The following URB1 variants were observed in gnomAD, a reference collection of about 807,000 sequenced individuals.
URB1 encodes nucleolar pre-ribosomal-associated protein 1.
URB1 carries 197 observed loss-of-function variants against 242.3 expected under a neutral mutation model. The observed-to-expected ratio is 0.81, with a 90% confidence interval of 0.72 to 0.91. The LOEUF is 0.91. URB1 is among the 40% of genes least tolerant of loss of function. URB1 has a pLI of 0.00. For missense variants in URB1, 2,721 were observed against 2,860.5 expected (o/e 0.95, Z 1.11); for synonymous variants, 1,153 against 1,201.8 (o/e 0.96, Z 0.84).
intron 1 of URB1, among the ~76,000 whole-genome samples, chr21:32,390,945 T>C (rs1331828433): frequency 2.0e-5 from 3 of 152,172 alleles, no homozygotes; most frequent in African/African-American, 7.2e-5. Context: ...CTATTCACAA[T>C]AGCAAAGACT....
chr21:32,370,506 T>G (rs142440111), intron 8 of URB1, among the ~76,000 whole-genome samples: 1 of 152,312 alleles, frequency 6.6e-6, no homozygotes, highest in Non-Finnish European at 1.5e-5. Flanking sequence ...GCATTAATAT[T>G]TATGTAGTGC....
At chr21:32,327,400 CT>C (rs1176736056) in intron 30 of URB1, among the ~76,000 whole-genome samples, 4 of 152,006 alleles carry the variant, frequency 2.6e-5, no homozygotes, top group African/African-American at 9.7e-5. Flanking sequence ...AAAGTTAAGA[CT>C]TTTTTCAGAC....
In URB1 at chr21:32,311,615, C is replaced by T. The variant is rs921127527; in HGVS notation, c.*3303G>A. 68 of 1,561,444 alleles carry T rather than the reference C, an allele frequency of 4.4e-5. No individual in the cohort carries two copies. Among genetic ancestry groups the T allele is most frequent in the Non-Finnish European group, 5.8e-5 (67 of 1,155,336 alleles). ...AGATGGCAGGTGTGGCAGGAAACCC[C>T]CCAGCCCCACAGTATGGACTGTTCT... is the stretch of plus-strand genomic sequence containing the variant. On this transcript the variant is annotated 3_prime_UTR_variant, in exon 39 of 39. Transcript: ENST00000382751.
chr21:32,358,160 GC>G (rs2033245861), intron 14 of URB1, among the ~76,000 whole-genome samples: 2 of 152,190 alleles, frequency 1.3e-5, no homozygotes, highest in Non-Finnish European at 2.9e-5. Context: ...AGCACAGGTA[GC>G]CCTGTTCCTG....
intron 6 of URB1, 79 bp from the exon 7 acceptor site, chr21:32,373,851 C>T: frequency 2.4e-6 from 3 of 1,271,022 alleles, no homozygotes; most frequent in Non-Finnish European, 3.1e-6. Flanking sequence ...TTAAATGGTG[C>T]TTACTGTTTT....
intron 24 of URB1, among the ~76,000 whole-genome samples, chr21:32,342,951 A>G (rs186706462): frequency 6.6e-6 from 1 of 152,200 alleles, no homozygotes; most frequent in African/African-American, 2.4e-5. Context: ...CCCATCTACC[A>G]CTGACCACTA....
intron 24 of URB1, among the ~76,000 whole-genome samples, chr21:32,342,562 T>C (rs2033041951): frequency 6.6e-6 from 1 of 152,078 alleles, no homozygotes; most frequent in African/African-American, 2.4e-5. Context: ...ATCCCACTAC[T>C]GATCAGCACA....
chr21:32,316,220 C>T (rs1474705352), intron 38 of URB1, among the ~76,000 whole-genome samples: 2 of 152,222 alleles, frequency 1.3e-5, no homozygotes, highest in Non-Finnish European at 2.9e-5. Flanking sequence ...CTCTCTGCAC[C>T]GTCAACATAA....
At chr21:32,374,387 A>T (rs1197582903) in intron 6 of URB1, among the ~76,000 whole-genome samples, 3 of 152,154 alleles carry the variant, frequency 2.0e-5, no homozygotes, top group African/African-American at 7.2e-5. Context: ...TTTCAGATAC[A>T]TTCCCCTAGA....
intron 3 of URB1, among the ~76,000 whole-genome samples, 186 bp from the exon 4 acceptor site, chr21:32,383,740 G>A (rs181199798): frequency 8.6e-5 from 13 of 151,824 alleles, no homozygotes; most frequent in East Asian, 3.9e-4. Flanking sequence ...TCAAAATAAC[G>A]CTAAAAATTA....
Position 32,314,879 on chromosome 21 carries a change from G to T in URB1, c.*39C>A. On this transcript the variant is annotated 3_prime_UTR_variant, in exon 39 of 39. Coordinates refer to ENST00000382751, the MANE Select transcript of URB1 (RefSeq NM_014825.3). Reference sequence around the variant, plus strand: ...TCTAGAAGCTGGTGCTGTGCTCGAGGCTCTGGTCATCAGGGTGCAAGGTGC... The same window carrying T: ...TCTAGAAGCTGGTGCTGTGCTCGAGTCTCTGGTCATCAGGGTGCAAGGTGC... The T allele has an allele frequency of 6.5e-7, 1 of 1,536,254 alleles. No individual in the cohort carries two copies. Among genetic ancestry groups the T allele is most frequent in the South Asian group, 1.2e-5 (1 of 82,298 alleles).
Position 32,311,433 on chromosome 21 carries a change from C to T in URB1, c.*3485G>A. 6.8e-6 allele frequency: 1 copy of T among 147,110 alleles called. No homozygotes were observed. The highest frequency in any genetic ancestry group is 1.4e-5 in the Non-Finnish European group (1 of 73,202). The allele number at this position is 147,110 out of a possible 1,614,324, so 9.1% of individuals were successfully genotyped here. On this transcript the variant is annotated 3_prime_UTR_variant, in exon 39 of 39. Transcript: ENST00000382751. ...ACCCCCCACCCCCCCCATCCTAAAT[C>T]AATGTAGGAAGAAGTGGCCTCCAGG...
chr21:32,332,168 T>G (rs891351757), intron 30 of URB1, among the ~76,000 whole-genome samples: 3 of 152,072 alleles, frequency 2.0e-5, no homozygotes, highest in African/African-American at 7.2e-5. Context: ...AAAAGTGAGC[T>G]CAAAACAGAT....
Position 32,384,168 on chromosome 21 carries a change from G to C in URB1, c.434+145C>G, listed in dbSNP as rs79098556. On this transcript the variant is annotated intron_variant, in intron 3 of 38. Transcript: ENST00000382751. ...AGCCAGGGCTGGTCCACAAAGGAAGGGGGCAGAGACTCGGTCACTGTGGCC... is the reference window on the plus strand; with the variant it reads ...AGCCAGGGCTGGTCCACAAAGGAAGCGGGCAGAGACTCGGTCACTGTGGCC... 2,271 of 1,020,966 alleles carry C rather than the reference G, an allele frequency of 2.2e-3. 29 individuals are homozygous for C. The East Asian group carries it at 0.037, about 17-fold the overall frequency. The allele number at this position is 1,020,966 out of a possible 1,614,324, so 63.2% of individuals were successfully genotyped here. A position where few individuals can be genotyped will look rare whatever the true frequency, so the allele number is the denominator to read the frequency against.
At position 32,311,407 on chromosome 21, in the gene URB1, C is replaced by CAA; in HGVS notation, c.*3510_*3511insTT. The CAA allele has an allele frequency of 3.0e-6, 1 of 336,208 alleles. No individual in the cohort carries two copies. Among genetic ancestry groups the CAA allele is most frequent in the South Asian group, 4.7e-5 (1 of 21,444 alleles). 20.8% of individuals were successfully genotyped at this position (336,208 alleles called of 1,614,324 possible). ...GATGGGAGGTCAACCTGCTCCCCTC[C>CAA]ACCCCCCACCCCCCCCATCCTAAAT... On this transcript the variant is annotated 3_prime_UTR_variant, in exon 39 of 39. Transcript: ENST00000382751.
At position 32,386,057 on chromosome 21, in the gene URB1, C is replaced by G. The variant is rs9977136; in HGVS notation, c.143-373G>C. ...GTCCCAGCTACTTGGGAGGCTGAGG[C>G]AGAATTGTGTGAACTCAGGAGGCAG... On this transcript the variant is annotated intron_variant, in intron 1 of 38. Transcript: ENST00000382751. 8.3e-3 allele frequency among the ~76,000 whole-genome samples: 1,245 copies of G among 150,310 alleles called. 9 individuals are homozygous for G. Among genetic ancestry groups the G allele is most frequent in the Non-Finnish European group, 0.014 (956 of 67,794 alleles).
intron 14 of URB1, among the ~76,000 whole-genome samples, chr21:32,357,937 G>A (rs1463224868): frequency 6.6e-6 from 1 of 152,188 alleles, no homozygotes; most frequent in Non-Finnish European, 1.5e-5. Flanking sequence ...GCTGAGGCAG[G>A]AGAATCACTT....
At chr21:32,391,811 G>A (rs544724183) in intron 1 of URB1, among the ~76,000 whole-genome samples, 34 of 150,890 alleles carry the variant, frequency 2.3e-4, no homozygotes, top group African/African-American at 7.8e-4. Flanking sequence ...CTGGGAGTTC[G>A]AGGGCAGCCT....
Position 32,392,670 on chromosome 21 carries a change from G to A in URB1, c.142+99C>T. On this transcript the variant is annotated intron_variant, in intron 1 of 38. Coordinates refer to ENST00000382751, the MANE Select transcript of URB1 (RefSeq NM_014825.3). ...ACCAGAGGCTTGCCACTGAGCCTAT[G>A]TGACCCGAAAGCTGCAGAAAGGAGA... 5 of 1,331,068 alleles carry A rather than the reference G, an allele frequency of 3.8e-6. No homozygotes were observed. The South Asian group carries it at 9.5e-5, about 25-fold the overall frequency. The allele number at this position is 1,331,068 out of a possible 1,614,324, so 82.5% of individuals were successfully genotyped here.
Sources: gnomAD v4.1 joint callset for allele counts (sites outside exome capture counted in the v4.1 genomes callset) on GRCh38, gnomAD v4.1.1 for gene constraint, MANE v1.5 for transcripts, NCBI Gene and HGNC (gene_info 2026-07-23, HGNC 2026-07-21) for gene names.